The following PDE4D variants were observed in gnomAD, a reference collection of about 807,000 sequenced individuals.
PDE4D encodes 3',5'-cyclic-AMP phosphodiesterase 4D.
In PDE4D, 24 loss-of-function variants were observed where a neutral mutation model predicts 87.4. The ratio of observed to expected loss-of-function variants is 0.27; its 90% CI spans 0.20 to 0.39. The LOEUF is 0.39. Among genes scored for constraint, PDE4D ranks in the 10% least tolerant of loss-of-function variants. The pLI is 1.00. For missense variants in PDE4D, 714 were observed against 1,041.0 expected, an observed-to-expected ratio of 0.69 and a Z score of 4.32; for synonymous variants, 384 against 383.2, an observed-to-expected ratio of 1.00 and a Z score of -0.02.
At chr5:59,677,631 G>A (rs1748322281) in intron 1 of PDE4D, among the ~76,000 whole-genome samples, 1 of 152,214 alleles carries the variant, frequency 6.6e-6, no homozygotes, top group Non-Finnish European at 1.5e-5. Context: ...CTATATGCCT[G>A]TAAAACTCAA....
intron 1 of PDE4D, among the ~76,000 whole-genome samples, chr5:60,267,988 A>C (rs1348301247): frequency 1.3e-5 from 2 of 152,148 alleles, no homozygotes; most frequent in African/African-American, 2.4e-5. Flanking sequence ...TAGCTAACTT[A>C]AGGCTATGAA....
chr5:59,558,514 T>C (rs940921883), intron 1 of PDE4D: 2 of 152,186 alleles, frequency 1.3e-5, no homozygotes, highest in Non-Finnish European at 2.9e-5. Context: ...AGCAGTAGCA[T>C]GCAGATGACT....
In PDE4D at chr5:59,756,810, C is replaced by CTT. The variant is rs5868192; in HGVS notation, c.455+136356_455+136357dup. ...TGATTGATGAATGTGGAGGTTCTTA[C>CTT]TTTTTTTTTTTTTTTTTTGAAATGG... On this transcript the variant is annotated intron_variant, in intron 1 of 14. Coordinates refer to ENST00000340635, the MANE Select transcript of PDE4D (RefSeq NM_001104631.2). Among the ~76,000 whole-genome samples, 369 of 132,192 alleles carry CTT rather than the reference C, an allele frequency of 2.8e-3. 3 individuals are homozygous for CTT. Among genetic ancestry groups the CTT allele is most frequent in the African/African-American group, 4.4e-3 (156 of 35,296 alleles). The allele number at this position is 132,192 out of a possible 152,430, so 86.7% of individuals were successfully genotyped here.
At chr5:59,431,537 G>A (rs1388800587) in intron 1 of PDE4D, among the ~76,000 whole-genome samples, 1 of 152,102 alleles carries the variant, frequency 6.6e-6, no homozygotes, top group Non-Finnish European at 1.5e-5. Context: ...TTATTCTTCA[G>A]TAGCCAAATT....
intron 3 of PDE4D, among the ~76,000 whole-genome samples, chr5:59,947,476 A>G (rs1225710578): frequency 2.0e-5 from 3 of 152,150 alleles, no homozygotes; most frequent in Non-Finnish European, 2.9e-5. Context: ...TTTTGTGAGG[A>G]CAAACCAGTC....
chr5:59,875,408 C>A (rs917174572), intron 1 of PDE4D, among the ~76,000 whole-genome samples: 5 of 134,196 alleles, frequency 3.7e-5, no homozygotes, highest in African/African-American at 1.4e-4. Flanking sequence ...TTGCAGTGAG[C>A]CGAGATTGCG....
At chr5:60,351,654 T>C (rs997714408) in intron 1 of PDE4D, among the ~76,000 whole-genome samples, 5 of 152,274 alleles carry the variant, frequency 3.3e-5, no homozygotes, top group Non-Finnish European at 7.4e-5. Flanking sequence ...TCTTTTAACA[T>C]AATAAACACG....
intron 1 of PDE4D, among the ~76,000 whole-genome samples, chr5:59,308,044 A>T (rs532822565): frequency 1.3e-5 from 2 of 152,310 alleles, no homozygotes; most frequent in South Asian, 4.1e-4. Flanking sequence ...AAAAATGATG[A>T]GTTCATGTCC....
intron 1 of PDE4D, among the ~76,000 whole-genome samples, chr5:60,219,881 C>T (rs1039527212): frequency 2.1e-4 from 32 of 152,190 alleles, no homozygotes; most frequent in African/African-American, 7.7e-4. Context: ...CTATTTACTT[C>T]AGCTGACCTT....
At chr5:60,065,106 G>A (rs1157768466) in intron 2 of PDE4D, among the ~76,000 whole-genome samples, 4 of 152,132 alleles carry the variant, frequency 2.6e-5, no homozygotes, top group East Asian at 3.9e-4. Context: ...TTCCTTTTGT[G>A]CTCAACTCAA....
chr5:59,127,216 G>A (rs36064814), intron 5 of PDE4D, among the ~76,000 whole-genome samples: 1 of 151,982 alleles, frequency 6.6e-6, no homozygotes, highest in Admixed American at 6.5e-5. Context: ...AAGAGTGATT[G>A]TTGCTTTGTA....
chr5:59,885,187 T>C (rs1001280604), intron 1 of PDE4D, among the ~76,000 whole-genome samples: 5 of 152,116 alleles, frequency 3.3e-5, no homozygotes, highest in African/African-American at 1.2e-4. Context: ...GGTTGAATAA[T>C]TGGTTTATTT....
intron 2 of PDE4D, among the ~76,000 whole-genome samples, chr5:60,010,667 G>A (rs1764937119): frequency 6.6e-6 from 1 of 152,068 alleles, no homozygotes; most frequent in Non-Finnish European, 1.5e-5. Context: ...TTGTCTTATG[G>A]TGAAATGTTG....
At chr5:59,508,658 T>TA (rs569879778) in intron 1 of PDE4D, among the ~76,000 whole-genome samples, 28 of 150,728 alleles carry the variant, frequency 1.9e-4, no homozygotes, top group South Asian at 6.3e-4. Flanking sequence ...GGAACTAAAA[T>TA]AAAAAAAAAT....
At chr5:59,000,782 G>A (rs1389526315) in intron 6 of PDE4D, among the ~76,000 whole-genome samples, 11 of 152,078 alleles carry the variant, frequency 7.2e-5, no homozygotes, top group African/African-American at 1.2e-4. Context: ...TCTGCCTCCC[G>A]GGTTCAAGCG....
chr5:59,848,395 A>C (rs1318801660), intron 1 of PDE4D, among the ~76,000 whole-genome samples: 3 of 152,090 alleles, frequency 2.0e-5, no homozygotes, highest in South Asian at 2.1e-4. Context: ...TAGTTGCATT[A>C]AATCCATTAT....
chr5:59,018,198 G>T (rs568871456), intron 6 of PDE4D, among the ~76,000 whole-genome samples: 2 of 152,328 alleles, frequency 1.3e-5, no homozygotes, highest in Admixed American at 1.3e-4. Flanking sequence ...AACAGCTTAT[G>T]CTATCAACAG....
At chr5:59,898,865 T>C (rs1751943400) in intron 3 of PDE4D, among the ~76,000 whole-genome samples, 1 of 151,932 alleles carries the variant, frequency 6.6e-6, no homozygotes, top group South Asian at 2.1e-4. Flanking sequence ...ATGAGTAGGA[T>C]GCAAAGAGAG....
chr5:59,625,714 T>C (rs546598663), intron 1 of PDE4D, among the ~76,000 whole-genome samples: 15 of 152,332 alleles, frequency 9.8e-5, no homozygotes, highest in Non-Finnish European at 2.9e-5. Flanking sequence ...TTAGAAAACA[T>C]ATGCTTTATT....
Sources: gnomAD v4.1 joint callset for allele counts (sites outside exome capture counted in the v4.1 genomes callset) on GRCh38, gnomAD v4.1.1 for gene constraint, MANE v1.5 for transcripts, NCBI Gene and HGNC (gene_info 2026-07-23, HGNC 2026-07-21) for gene names.